Variants in HDAC4 observed in about 807,000 individuals in gnomAD.
HDAC4 encodes the protein histone deacetylase A.
In HDAC4, 16 loss-of-function variants were observed where a neutral mutation model predicts 135.1. The observed-to-expected ratio is 0.12, with a 90% CI of 0.08 to 0.18. The LOEUF (loss-of-function observed/expected upper bound fraction) is 0.18, where lower values mean the gene tolerates loss of function less well. HDAC4 is among the 10% of genes least tolerant of loss of function. The probability of loss-of-function intolerance (pLI) is 1.00; values close to 1 mark genes in which losing one functional copy is unlikely to be tolerated. For synonymous variants in HDAC4, 685 were observed against 653.4 expected, an observed-to-expected ratio of 1.05 and a Z score of -0.74; for missense variants, 1,143 against 1,511.8, an observed-to-expected ratio of 0.76 and a Z score of 4.05.
chr2:239,070,860 G>C (rs2034117342), intron 22 of HDAC4, among the ~76,000 whole-genome samples: 2 of 151,428 alleles, frequency 1.3e-5, no homozygotes, highest in Non-Finnish European at 2.9e-5. Context: ...GGTGACCGCA[G>C]CCATTTAGTC....
At position 239,171,169 on chromosome 2, in the gene HDAC4, C is replaced by CAAA. The variant is rs34204026; in HGVS notation, c.490+5241_490+5243dup. 6.1e-3 allele frequency among the ~76,000 whole-genome samples: 696 copies of CAAA among 114,344 alleles called. 7 individuals carry two copies. The highest frequency in any genetic ancestry group is 0.019 in the African/African-American group (562 of 29,926). 75.0% of individuals were successfully genotyped at this position (114,344 alleles called of 152,430 possible). On this transcript the variant is annotated intron_variant, in intron 5 of 26. Transcript: ENST00000543185. ...ACCATAGAAATAAACACAATCTGACCAAAAAAAAAAAAAAAAAAATGAGAG... is the reference window on the plus strand; with the variant it reads ...ACCATAGAAATAAACACAATCTGACCAAAAAAAAAAAAAAAAAAAAAATGAGAG...
chr2:239,121,592 C>T (rs2039698363), intron 12 of HDAC4, among the ~76,000 whole-genome samples: 1 of 152,222 alleles, frequency 6.6e-6, no homozygotes. Flanking sequence ...GGTCTTTTTC[C>T]TCCCTTTCAC....
rs2052650338 is a variant in HDAC4, at chr2:239,307,315, G to C, written c.22+45363C>G. 6.6e-6 allele frequency among the ~76,000 whole-genome samples: 1 copy of C among 152,150 alleles called. No individual in the cohort carries two copies. Among genetic ancestry groups the C allele is most frequent in the African/African-American group, 2.4e-5 (1 of 41,446 alleles). Reference sequence around the variant, plus strand: ...ACTTTCAGAAACAAGAGGGTGTTCTGTTTAGAAGCAGAGAGCCGAGGAGCC... The same window carrying C: ...ACTTTCAGAAACAAGAGGGTGTTCTCTTTAGAAGCAGAGAGCCGAGGAGCC... On this transcript the variant is annotated intron_variant, in intron 2 of 26. Transcript: ENST00000543185. This position sits in a 1 kb window ranked among gnomAD's most constrained non-coding sequence, Gnocchi z 4.8.
intron 2 of HDAC4, among the ~76,000 whole-genome samples, chr2:239,317,090 G>T (rs529929167): frequency 1.3e-5 from 2 of 152,170 alleles, no homozygotes; most frequent in African/African-American, 2.4e-5. Flanking sequence ...CGCCTTCAGC[G>T]ACTGCTGGAC....
intron 24 of HDAC4, 124 bp downstream of exon 24, chr2:239,066,598 T>TGGG: frequency 7.7e-7 from 1 of 1,294,278 alleles, no homozygotes; most frequent in Non-Finnish European, 1.1e-6. Context: ...AAGGCGGAGC[T>TGGG]GCAAGCATCC....
chr2:239,106,319 G>A (rs771460482), intron 15 of HDAC4, among the ~76,000 whole-genome samples: 7 of 152,292 alleles, frequency 4.6e-5, no homozygotes, highest in South Asian at 2.1e-4. Flanking sequence ...TGGCCTCAGC[G>A]GAACCTCCTG....
intron 11 of HDAC4, among the ~76,000 whole-genome samples, chr2:239,132,780 G>A (rs565847676): frequency 6.6e-6 from 1 of 152,244 alleles, no homozygotes; most frequent in Non-Finnish European, 1.5e-5. Context: ...GAGAAGGAAA[G>A]AAGATAAGTG....
chr2:239,285,003 G>A lies in HDAC4; in HGVS notation c.23-48339C>T, dbSNP rs754300857. On this transcript the variant is annotated intron_variant, in intron 2 of 26. Transcript: ENST00000543185. This position sits in a 1 kb window ranked among gnomAD's most constrained non-coding sequence, Gnocchi z 4.5. The stretch of plus-strand genomic sequence containing the variant: ...AATGAAAGGAGAGATGGGATCAAAA[G>A]CATGAAGGAAGCCCAGAGACAAGTC... Among the ~76,000 whole-genome samples the A allele has an allele frequency of 1.3e-5, 2 of 152,196 alleles. No homozygotes were observed. Among genetic ancestry groups the A allele is most frequent in the Non-Finnish European group, 1.5e-5 (1 of 68,044 alleles).
At chr2:239,156,911 T>C in intron 6 of HDAC4, 138 bp from the exon 7 acceptor site, 1 of 982,986 alleles carries the variant, frequency 1.0e-6, no homozygotes, top group Non-Finnish European at 1.6e-6. Context: ...TTCCCTAGGG[T>C]CAAGCTGAAA....
chr2:239,149,546 G>A (rs376728488), intron 7 of HDAC4, among the ~76,000 whole-genome samples: 11 of 152,204 alleles, frequency 7.2e-5, no homozygotes, highest in East Asian at 5.8e-4. Flanking sequence ...ACGCACTGCC[G>A]CTAAGCAACC....
At chr2:239,201,106 T>TG (rs2045729667) in intron 3 of HDAC4, among the ~76,000 whole-genome samples, 1 of 152,128 alleles carries the variant, frequency 6.6e-6, no homozygotes, top group African/African-American at 2.4e-5. Flanking sequence ...TTGACAGGTG[T>TG]GGGAAACTGA....
intron 5 of HDAC4, 141 bp from the exon 6 acceptor site, chr2:239,164,064 C>T: frequency 2.1e-6 from 2 of 973,060 alleles, no homozygotes; most frequent in South Asian, 2.6e-5. Context: ...TGAGCGCTTC[C>T]TCAAAGAACC....
intron 3 of HDAC4, among the ~76,000 whole-genome samples, chr2:239,222,534 C>CAAAAA (rs10716644): frequency 1.8e-5 from 2 of 112,254 alleles, no homozygotes; most frequent in Admixed American, 9.5e-5. Context: ...TACCCCATAC[C>CAAAAA]AAAAAAAAAA....
chr2:239,338,270 C>T (rs1305560323), intron 2 of HDAC4, among the ~76,000 whole-genome samples: 1 of 152,148 alleles, frequency 6.6e-6, no homozygotes, highest in African/African-American at 2.4e-5. Context: ...TCCTGGAGGC[C>T]CATGCAGCTT....
chr2:239,179,577 T>C (rs926208190), intron 4 of HDAC4, among the ~76,000 whole-genome samples: 2 of 152,104 alleles, frequency 1.3e-5, no homozygotes, highest in African/African-American at 4.8e-5. Context: ...GAAAAAACCA[T>C]CTTCCACGAA....
At chr2:239,145,585 A>C (rs1253037433) in intron 7 of HDAC4, among the ~76,000 whole-genome samples, 2 of 152,272 alleles carry the variant, frequency 1.3e-5, no homozygotes, top group Non-Finnish European at 2.9e-5. Context: ...ATCGGCTTTC[A>C]GAGTCCAGAA....
intron 1 of HDAC4, among the ~76,000 whole-genome samples, chr2:239,399,627 T>G (rs1231080440): frequency 6.6e-6 from 1 of 152,218 alleles, no homozygotes; most frequent in Non-Finnish European, 1.5e-5. Context: ...GGGCCAGGAC[T>G]GTTTACAGGC....
At chr2:239,179,545 G>C (rs912971156) in intron 4 of HDAC4, among the ~76,000 whole-genome samples, 1 of 152,168 alleles carries the variant, frequency 6.6e-6, no homozygotes, top group Non-Finnish European at 1.5e-5. Flanking sequence ...CCATTCTCCT[G>C]CGTCCCCCAC....
chr2:239,196,510 G>C lies in HDAC4; in HGVS notation c.95-6433C>G, dbSNP rs368037041. On this transcript the variant is annotated intron_variant, in intron 3 of 26. Coordinates refer to ENST00000543185, the MANE Select transcript of HDAC4 (RefSeq NM_001378414.1). ...GAAGACTGAAGGCAGCAACACCAGTGCAGTGGAAGGAGGAGTTGACGATGG... is the reference window on the plus strand; with the variant it reads ...GAAGACTGAAGGCAGCAACACCAGTCCAGTGGAAGGAGGAGTTGACGATGG... Among the ~76,000 whole-genome samples the C allele has an allele frequency of 6.6e-5, 10 of 152,230 alleles. No homozygotes were observed. In the East Asian group the frequency reaches 1.9e-3, roughly 29 times the overall value.
Sources: gnomAD v4.1 joint callset for allele counts (sites outside exome capture counted in the v4.1 genomes callset) on GRCh38, gnomAD v4.1.1 for gene constraint, Gnocchi (gnomAD v3.1) non-coding constraint, MANE v1.5 for transcripts, NCBI Gene and HGNC (gene_info 2026-07-23, HGNC 2026-07-21) for gene names.